Variants in DERA observed in about 807,000 individuals in gnomAD.
DERA encodes the protein 2-deoxy-D-ribose 5-phosphate aldolase.
A neutral mutation model predicts 41.1 loss-of-function variants in DERA; 15 were observed. The ratio of observed to expected loss-of-function variants is 0.37; its 90% CI spans 0.24 to 0.56. DERA has a LOEUF of 0.56. DERA is among the 20% of genes least tolerant of loss of function. DERA has a pLI of 0.81. For missense variants in DERA, 396 were observed against 403.4 expected (o/e 0.98, Z 0.16); for synonymous variants, 139 against 137.4 (o/e 1.01, Z -0.08).
chr12:15,943,121 C>A lies in DERA; in HGVS notation c.32-13815C>A, dbSNP rs1404443959. 6.6e-6 allele frequency among the ~76,000 whole-genome samples: 1 copy of A among 152,216 alleles called. No individual in the cohort carries two copies. Among genetic ancestry groups the A allele is most frequent in the East Asian group, 1.9e-4 (1 of 5,194 alleles). On this transcript the variant is annotated intron_variant, in intron 1 of 8. Coordinates refer to ENST00000428559, the MANE Select transcript of DERA (RefSeq NM_015954.4). The surrounding 1 kb of genome is among the most constrained non-coding windows in gnomAD (Gnocchi z 4.5). ...AACTCTTCCACACACTTACCTGAGG[C>A]TGTTTATGGGTAGTGAGCAGAGGAA...
intron 1 of DERA, among the ~76,000 whole-genome samples, chr12:15,919,499 G>A (rs145244407): frequency 4.7e-4 from 72 of 152,302 alleles, no homozygotes; most frequent in African/African-American, 1.7e-3. Context: ...ACCTTGAAAT[G>A]TGTTCATCTT....
rs1948729476 is a variant in DERA, at chr12:15,981,070, C to T, written c.509-1238C>T. 1.3e-5 allele frequency among the ~76,000 whole-genome samples: 2 copies of T among 152,040 alleles called. No individual in the cohort carries two copies. The highest frequency in any genetic ancestry group is 1.5e-5 in the Non-Finnish European group (1 of 67,998). ...GTTTATAAAACTACTTCCTATGGGC[C>T]GGGCACCGTGGCTCACACCTGTAAT... On this transcript the variant is annotated intron_variant, in intron 5 of 8. Transcript: ENST00000428559. This position sits in a 1 kb window ranked among gnomAD's most constrained non-coding sequence, Gnocchi z 6.1.
At position 15,957,151 on chromosome 12, in the gene DERA, C is replaced by T. The variant is rs995307849; in HGVS notation, c.129+118C>T. The stretch of plus-strand genomic sequence containing the variant: ...TCTAAACTTAAAAGATTGCAGCTGT[C>T]CATGACTTATTTTAATAATTCATAT... On this transcript the variant is annotated intron_variant, in intron 2 of 8. Transcript: ENST00000428559. The surrounding 1 kb of genome is among the most constrained non-coding windows in gnomAD (Gnocchi z 4.8). The T allele has an allele frequency of 1.4e-6, 1 of 736,440 alleles. No individual in the cohort carries two copies. The highest frequency in any genetic ancestry group is 1.8e-5 in the African/African-American group (1 of 56,218). The allele number at this position is 736,440 out of a possible 1,614,324, so 45.6% of individuals were successfully genotyped here. A position where few individuals can be genotyped will look rare whatever the true frequency, so the allele number is the denominator to read the frequency against.
chr12:15,911,728 A>C lies in DERA; in HGVS notation c.31+314A>C. 1 of 623,980 alleles carries C rather than the reference A, an allele frequency of 1.6e-6. No homozygotes were observed. Among genetic ancestry groups the C allele is most frequent in the Non-Finnish European group, 3.0e-6 (1 of 335,462 alleles). The allele number at this position is 623,980 out of a possible 1,614,324, so 38.7% of individuals were successfully genotyped here. Reference sequence around the variant, plus strand: ...AAAACCCAACAACCCAAAAAACAAAACCCAAAACAAACAACCCCCAAGCAG... The same window carrying C: ...AAAACCCAACAACCCAAAAAACAAACCCCAAAACAAACAACCCCCAAGCAG... On this transcript the variant is annotated intron_variant, in intron 1 of 8. Coordinates refer to ENST00000428559, the MANE Select transcript of DERA (RefSeq NM_015954.4). This position sits in a 1 kb window ranked among gnomAD's most constrained non-coding sequence, Gnocchi z 4.5.
chr12:15,945,504 A>C (rs1948440408), intron 1 of DERA, among the ~76,000 whole-genome samples: 1 of 152,138 alleles, frequency 6.6e-6, no homozygotes, highest in Admixed American at 6.6e-5. Flanking sequence ...AGTGAATGGG[A>C]GTTCACTCAT....
intron 1 of DERA, chr12:15,956,725 T>C (rs1178527858): frequency 1.6e-6 from 1 of 630,574 alleles, no homozygotes; most frequent in Admixed American, 2.0e-5. Flanking sequence ...CCTTTGAAAG[T>C]AATGGAGTGA....
In DERA at chr12:15,994,888, A is replaced by G. The variant is rs1372032958; in HGVS notation, c.637+12452A>G. Reference sequence around the variant, plus strand: ...GAGTAATAAATCATGTGAAGTTGGTAGTTTATAAATTCTTTCTGCAGTAAT... The same window carrying G: ...GAGTAATAAATCATGTGAAGTTGGTGGTTTATAAATTCTTTCTGCAGTAAT... On this transcript the variant is annotated intron_variant, in intron 6 of 8. Coordinates refer to ENST00000428559, the MANE Select transcript of DERA (RefSeq NM_015954.4). The surrounding 1 kb of genome is among the most constrained non-coding windows in gnomAD (Gnocchi z 4.8). 6.6e-6 allele frequency among the ~76,000 whole-genome samples: 1 copy of G among 152,238 alleles called. No homozygotes were observed. The highest frequency in any genetic ancestry group is 1.9e-4 in the East Asian group (1 of 5,200).
intron 5 of DERA, 70 bp downstream of exon 5, chr12:15,963,017 G>A (rs752382575): frequency 2.9e-5 from 44 of 1,543,334 alleles, no homozygotes; most frequent in Non-Finnish European, 3.7e-5. Context: ...GAGGTAAGAT[G>A]TGGTATGTTT....
At position 15,998,305 on chromosome 12, in the gene DERA, TCTTTC is replaced by T. The variant is rs1331622199; in HGVS notation, c.637+15874_637+15878del. Among the ~76,000 whole-genome samples, 12 of 150,154 alleles carry T rather than the reference TCTTTC, an allele frequency of 8.0e-5. No individual in the cohort carries two copies. The highest frequency in any genetic ancestry group is 1.3e-4 in the Non-Finnish European group (9 of 68,012). On this transcript the variant is annotated intron_variant, in intron 6 of 8. Coordinates refer to ENST00000428559, the MANE Select transcript of DERA (RefSeq NM_015954.4). The surrounding 1 kb of genome is among the most constrained non-coding windows in gnomAD (Gnocchi z 4.8). ...GCTTTCCTAATGTTAACACAGGAAGTCTTTCCTTTATTTATTTATTTATTTATTTA... is the reference window on the plus strand; with the variant it reads ...GCTTTCCTAATGTTAACACAGGAAGTCTTTATTTATTTATTTATTTATTTA...
chr12:15,911,393 C>T lies in DERA; in HGVS notation c.10C>T (p.His4Tyr), dbSNP rs1948162120. 1.4e-6 allele frequency: 2 copies of T among 1,405,560 alleles called. No homozygotes were observed. Among genetic ancestry groups the T allele is most frequent in the Admixed American group, 3.4e-5 (1 of 29,210 alleles). The allele number at this position is 1,405,560 out of a possible 1,614,324, so 87.1% of individuals were successfully genotyped here. A position where few individuals can be genotyped will look rare whatever the true frequency, so the allele number is the denominator to read the frequency against. ...CGGAGCTGCCCGCGCCATGTCCGCG[C>T]ACAATCGGGGCACCGAGCTCGGTAA... MSA[H>Y]NRGTELDLSW... The change falls in exon 1 of 9, where the codon CAC becomes TAC. Residue 4 changes from histidine (H) to tyrosine (Y), a missense_variant. Transcript: ENST00000428559. This position sits in a 1 kb window ranked among gnomAD's most constrained non-coding sequence, Gnocchi z 4.5.
rs143034986 is a variant in DERA at position 16,020,214 on chromosome 12, G to C, written c.638-12328G>C. 4.0e-4 allele frequency among the ~76,000 whole-genome samples: 61 copies of C among 152,274 alleles called. 1 individual carries two copies. Among genetic ancestry groups the C allele is most frequent in the African/African-American group, 1.4e-3 (58 of 41,560 alleles). On this transcript the variant is annotated intron_variant, in intron 6 of 8. Transcript: ENST00000428559. The surrounding 1 kb of genome is among the most constrained non-coding windows in gnomAD (Gnocchi z 5.5). Reference sequence around the variant, plus strand: ...CTGTGCAGGAAGCATGGCTGGGGAGGCCTTAGGAAACTTTTAGTCATGGTG... The same window carrying C: ...CTGTGCAGGAAGCATGGCTGGGGAGCCCTTAGGAAACTTTTAGTCATGGTG...
intron 1 of DERA, among the ~76,000 whole-genome samples, chr12:15,946,582 T>C (rs1317795005): frequency 1.3e-5 from 2 of 151,568 alleles, no homozygotes; most frequent in Non-Finnish European, 3.0e-5. Context: ...ATATCCCCTT[T>C]TTTTTTTATT....
chr12:15,969,639 G>T (rs1948646697), intron 5 of DERA, among the ~76,000 whole-genome samples: 1 of 152,174 alleles, frequency 6.6e-6, no homozygotes, highest in African/African-American at 2.4e-5. Flanking sequence ...TAGGATAAGA[G>T]AATGAAATAT....
chr12:15,969,543 C>G (rs558821748), intron 5 of DERA, among the ~76,000 whole-genome samples: 1 of 152,340 alleles, frequency 6.6e-6, no homozygotes, highest in South Asian at 2.1e-4. Flanking sequence ...GCCTCATGTA[C>G]TTTTCATCTC....
Position 15,911,770 on chromosome 12 carries a change from A to C in DERA, c.31+356A>C. On this transcript the variant is annotated intron_variant, in intron 1 of 8. Transcript: ENST00000428559. The surrounding 1 kb of genome is among the most constrained non-coding windows in gnomAD (Gnocchi z 4.5). ...CCCAAGCAGGTAAAAACAGATAAAA[A>C]CCTTCTTTCTCCTCCTTTTAATAGA... The C allele has an allele frequency of 1.8e-6, 1 of 551,124 alleles. No homozygotes were observed. Among genetic ancestry groups the C allele is most frequent in the Non-Finnish European group, 3.5e-6 (1 of 289,364 alleles). 34.1% of individuals were successfully genotyped at this position (551,124 alleles called of 1,614,324 possible). A position where few individuals can be genotyped will look rare whatever the true frequency, so the allele number is the denominator to read the frequency against.
intron 6 of DERA, among the ~76,000 whole-genome samples, chr12:15,997,167 C>T (rs1016603898): frequency 6.6e-6 from 1 of 152,106 alleles, no homozygotes; most frequent in Non-Finnish European, 1.5e-5. Context: ...CATCAGTAAT[C>T]AAAAGTTATT....
rs1300850604 is a variant in DERA at position 15,962,838 on chromosome 12, G to A, written c.399G>A (p.Gln133=). The part of the protein sequence containing the change: ...ASVAAGFPAG[Q]THLKTRLEEI... The stretch of plus-strand genomic sequence containing the variant: ...TGGCCGCTGGATTTCCAGCTGGACA[G>A]ACTCATTTGAAGACACGATTAGAAG... Residue 133 remains glutamine (Q), a synonymous_variant, in exon 5 of 9, where the codon CAG becomes CAA. Transcript: ENST00000428559. The A allele has an allele frequency of 6.4e-7, 1 of 1,555,442 alleles. No individual in the cohort carries two copies.
rs1214012763 is a variant in DERA, at chr12:16,004,003, T to C, written c.637+21567T>C. 1.3e-5 allele frequency among the ~76,000 whole-genome samples: 2 copies of C among 152,146 alleles called. No individual in the cohort carries two copies. The highest frequency in any genetic ancestry group is 2.9e-5 in the Non-Finnish European group (2 of 68,036). ...AGAAGGGGTTGGTAGGGCTATTCAT[T>C]AAGTGCAGTAAGAGTAAAACATGCT... On this transcript the variant is annotated intron_variant, in intron 6 of 8. Coordinates refer to ENST00000428559, the MANE Select transcript of DERA (RefSeq NM_015954.4). This position sits in a 1 kb window ranked among gnomAD's most constrained non-coding sequence, Gnocchi z 4.2.
rs1182017299 is a variant in DERA, at chr12:15,941,746, C to T, written c.32-15190C>T. Among the ~76,000 whole-genome samples the T allele has an allele frequency of 1.3e-5, 2 of 152,212 alleles. No individual in the cohort carries two copies. Among genetic ancestry groups the T allele is most frequent in the Admixed American group, 6.5e-5 (1 of 15,282 alleles). On this transcript the variant is annotated intron_variant, in intron 1 of 8. Coordinates refer to ENST00000428559, the MANE Select transcript of DERA (RefSeq NM_015954.4). This position sits in a 1 kb window ranked among gnomAD's most constrained non-coding sequence, Gnocchi z 4.5. Reference sequence around the variant, plus strand: ...CTCAGTACTCCATGATGTATATATACCACATTTTCTTTATCCACTTATTGA... The same window carrying T: ...CTCAGTACTCCATGATGTATATATATCACATTTTCTTTATCCACTTATTGA...
Sources: allele counts gnomAD v4.1 joint callset (sites outside exome capture counted in the v4.1 genomes callset), GRCh38; gene constraint gnomAD v4.1.1; non-coding constraint Gnocchi (gnomAD v3.1); transcripts MANE v1.5; gene names NCBI Gene and HGNC (gene_info 2026-07-23, HGNC 2026-07-21).